Variants in PUM1 observed in about 807,000 individuals in gnomAD.
PUM1 encodes the protein pumilio homolog 1.
Under a neutral mutation model 131.8 loss-of-function variants are expected in PUM1, and 13 were observed. That is an observed-to-expected ratio of 0.10 (90% confidence interval 0.06 to 0.16). The LOEUF is 0.16. Ranked by LOEUF, PUM1 falls within the 10% of genes least tolerant of loss-of-function variation. The probability of loss-of-function intolerance (pLI) is 1.00; values close to 1 mark genes in which losing one functional copy is unlikely to be tolerated. For synonymous variants in PUM1, 509 were observed against 556.5 expected, an observed-to-expected ratio of 0.91 and a Z score of 1.20; for missense variants, 961 against 1,512.4, an observed-to-expected ratio of 0.64 and a Z score of 6.05.
intron 9 of PUM1, among the ~76,000 whole-genome samples, chr1:30,978,404 T>C (rs541452291): frequency 1.6e-4 from 24 of 152,328 alleles, no homozygotes; most frequent in Non-Finnish European, 2.8e-4. Flanking sequence ...TTAGCAGAGA[T>C]CATTCTCCTA....
intron 5 of PUM1, among the ~76,000 whole-genome samples, chr1:30,999,961 T>C (rs1642144867): frequency 6.6e-6 from 1 of 152,212 alleles, no homozygotes; most frequent in Admixed American, 6.5e-5. Context: ...CCCAGGGGCA[T>C]TGTCATTTGC....
rs1322910415 is a variant in PUM1, at chr1:31,057,932, C to A, written c.363+1272G>T. ...AACCTTTCCAAATTCAACCTATACC[C>A]AATTTCAAAGAATACCCTGATCAAA... On this transcript the variant is annotated intron_variant, in intron 2 of 21. Transcript: ENST00000426105. Among the ~76,000 whole-genome samples the A allele has an allele frequency of 2.0e-5, 3 of 152,024 alleles. No individual in the cohort carries two copies. In the East Asian group the frequency reaches 5.8e-4, roughly 29 times the overall value.
chr1:30,997,494 T>A (rs12029235), intron 5 of PUM1, among the ~76,000 whole-genome samples: 3 of 126,840 alleles, frequency 2.4e-5, no homozygotes, highest in African/African-American at 3.6e-5. Context: ...GTGAAACTCG[T>A]CTTTTTTTTT....
chr1:30,999,026 G>C (rs1257170277), intron 5 of PUM1, among the ~76,000 whole-genome samples: 1 of 150,850 alleles, frequency 6.6e-6, no homozygotes, highest in Admixed American at 6.6e-5. Context: ...TTTGAGACAG[G>C]GTCTCGCTCT....
At chr1:31,053,798 G>A (rs1321901153) in intron 2 of PUM1, among the ~76,000 whole-genome samples, 1 of 151,356 alleles carries the variant, frequency 6.6e-6, no homozygotes, top group African/African-American at 2.4e-5. Context: ...ACTTTTTAAT[G>A]TAAGTATACA....
At chr1:31,064,630 T>G (rs989071301) in intron 1 of PUM1, among the ~76,000 whole-genome samples, 2 of 151,886 alleles carry the variant, frequency 1.3e-5, no homozygotes, top group Non-Finnish European at 1.5e-5. Flanking sequence ...ATAACAGGAA[T>G]TGAGCAAAAT....
Position 30,964,734 on chromosome 1 carries a change from G to A in PUM1, c.2263C>T (p.His755Tyr). Residue 755 changes from histidine (H) to tyrosine (Y), a missense_variant, in exon 14 of 22, where the codon CAT becomes TAT. His to Tyr is a moderately conservative substitution (Grantham distance 83). Coordinates refer to ENST00000426105, the MANE Select transcript of PUM1 (RefSeq NM_001020658.2). The part of the protein sequence containing the change: ...GMPLPSQGPG[H>Y]SQTPPPSLSS... ...AGGGAAGGAGGTGGTGTCTGTGAAT[G>A]TCCTGGTCCCTGACTAGGGAGAGGC... 1 of 1,614,082 alleles carries A rather than the reference G, an allele frequency of 6.2e-7. No homozygotes were observed. Among genetic ancestry groups the A allele is most frequent in the Non-Finnish European group, 8.5e-7 (1 of 1,180,000 alleles).
At chr1:30,942,233 A>ATATATATATATATATATATATG (rs1639481927) in intron 18 of PUM1, 110 bp from the exon 19 acceptor site, 1 of 163,904 alleles carries the variant, frequency 6.1e-6, no homozygotes, top group South Asian at 2.1e-4. Flanking sequence ...ATATATATAT[A>ATATATATATATATATATATATG]TATGTATTAT....
At chr1:30,941,373 C>A in intron 19 of PUM1, 101 bp from the exon 20 acceptor site, 1 of 1,266,856 alleles carries the variant, frequency 7.9e-7, no homozygotes, top group South Asian at 1.5e-5. Context: ...TCTTTTACCA[C>A]CATAACGGTT....
intron 7 of PUM1, among the ~76,000 whole-genome samples, chr1:30,987,296 A>T (rs1253443810): frequency 2.0e-5 from 3 of 151,312 alleles, no homozygotes; most frequent in Non-Finnish European, 4.4e-5. Flanking sequence ...TCCTGGGTTC[A>T]GGTGATTCTC....
intron 3 of PUM1, among the ~76,000 whole-genome samples, chr1:31,009,955 T>C (rs1216539305): frequency 1.3e-5 from 2 of 152,054 alleles, no homozygotes; most frequent in African/African-American, 2.4e-5. Flanking sequence ...CCTTTCATGA[T>C]AGTATACCAG....
At chr1:30,933,439 T>TACATACACACACACACAC (rs1553142807) in intron 21 of PUM1, 97 bp from the exon 22 acceptor site, 1 of 342,698 alleles carries the variant, frequency 2.9e-6, no homozygotes, top group Non-Finnish European at 5.2e-6. Context: ...CACACACACA[T>TACATACACACACACACAC]ACACACACAC....
chr1:31,005,723 A>C, intron 5 of PUM1, 130 bp downstream of exon 5: 3 of 866,502 alleles, frequency 3.5e-6, no homozygotes, highest in Non-Finnish European at 5.1e-6. Flanking sequence ...TTGTTTGAAA[A>C]TACCCTGTAA....
At chr1:30,989,571 CAAAAAA>C (rs1174565063) in intron 7 of PUM1, among the ~76,000 whole-genome samples, 49 of 27,690 alleles carry the variant, frequency 1.8e-3, no homozygotes, top group African/African-American at 5.8e-3. Flanking sequence ...GACTCCGTCT[CAAAAAA>C]AAAAAAAAAA....
At chr1:31,004,011 AC>A (rs1461232230) in intron 5 of PUM1, among the ~76,000 whole-genome samples, 1 of 152,224 alleles carries the variant, frequency 6.6e-6, no homozygotes, top group African/African-American at 2.4e-5. Flanking sequence ...CTTTATGCAT[AC>A]CTCAGCAGCT....
chr1:30,995,602 A>G (rs1312912593), intron 5 of PUM1, among the ~76,000 whole-genome samples: 1 of 152,086 alleles, frequency 6.6e-6, no homozygotes, highest in African/African-American at 2.4e-5. Context: ...ATGACTCTTA[A>G]TAAGCCCCAG....
At chr1:30,934,836 A>G (rs2124373821) in intron 21 of PUM1, among the ~76,000 whole-genome samples, 1 of 152,222 alleles carries the variant, frequency 6.6e-6, no homozygotes, top group South Asian at 2.1e-4. Flanking sequence ...AAAACCCCTA[A>G]CAAGCCACAC....
rs1000194538 is a variant in PUM1 at position 30,932,279 on chromosome 1, T to C, written c.*932A>G. The C allele has an allele frequency of 6.6e-6, 1 of 152,606 alleles. No individual in the cohort carries two copies. Among genetic ancestry groups the C allele is most frequent in the Non-Finnish European group, 1.5e-5 (1 of 68,034 alleles). 9.5% of individuals were successfully genotyped at this position (152,606 alleles called of 1,614,324 possible). A position where few individuals can be genotyped will look rare whatever the true frequency, so the allele number is the denominator to read the frequency against. The stretch of plus-strand genomic sequence containing the variant: ...TACAATCAAAAGTATGTTCGACTAC[T>C]AGGGTACATTATAGATACAGATTAG... On this transcript the variant is annotated 3_prime_UTR_variant, in exon 22 of 22. Transcript: ENST00000426105.
intron 14 of PUM1, among the ~76,000 whole-genome samples, chr1:30,963,751 C>A (rs1302361513): frequency 6.6e-6 from 1 of 152,144 alleles, no homozygotes; most frequent in Non-Finnish European, 1.5e-5. Context: ...TGCTGATTTG[C>A]CCAGGACAGT....
Sources: gnomAD v4.1 joint callset for allele counts (sites outside exome capture counted in the v4.1 genomes callset) on GRCh38, gnomAD v4.1.1 for gene constraint, MANE v1.5 for transcripts, NCBI Gene and HGNC (gene_info 2026-07-23, HGNC 2026-07-21) for gene names.